The following ADGRV1 variants were observed in gnomAD, a reference collection of about 807,000 sequenced individuals.
The protein encoded by ADGRV1 is adhesion G protein-coupled receptor V1.
In ADGRV1, 359 loss-of-function variants were observed where a neutral mutation model predicts 596.2. The observed-to-expected ratio is 0.60, with a 90% CI of 0.55 to 0.66. The LOEUF is 0.66. ADGRV1 is among the 30% of genes least tolerant of loss of function. ADGRV1 has a pLI of 0.00. For missense variants in ADGRV1, 7,274 were observed against 7,575.6 expected, an observed-to-expected ratio of 0.96 and a Z score of 1.48; for synonymous variants, 2,681 against 2,679.2, an observed-to-expected ratio of 1.00 and a Z score of -0.02.
intron 85 of ADGRV1, among the ~76,000 whole-genome samples, chr5:91,026,684 C>T (rs1306180524): frequency 2.0e-5 from 3 of 151,934 alleles, no homozygotes; most frequent in African/African-American, 7.3e-5. Flanking sequence ...TGGAGGAGTG[C>T]CAAAAAGACC....
chr5:91,078,281 C>CT (rs765426851), intron 86 of ADGRV1, among the ~76,000 whole-genome samples: 13 of 151,932 alleles, frequency 8.6e-5, no homozygotes, highest in Non-Finnish European at 1.5e-4. Flanking sequence ...AGTTGAGTGC[C>CT]TTTTTTACTC....
intron 85 of ADGRV1, among the ~76,000 whole-genome samples, chr5:91,035,866 T>TATATATATATATATATATATATA (rs1784857826): frequency 7.9e-6 from 1 of 126,234 alleles, no homozygotes; most frequent in Non-Finnish European, 1.7e-5. Flanking sequence ...ATATATTATA[T>TATATATATATATATATATATATA]ATATATATAT....
In ADGRV1 at chr5:91,045,784, C is replaced by T. The variant is rs144241485; in HGVS notation, c.18153-26663C>T. ...TTTACCTAGAAAACCCTAAAGACTC[C>T]TCCAGAAAGTTTCTAGAACCGATAA... On this transcript the variant is annotated intron_variant, in intron 85 of 89. Coordinates refer to ENST00000405460, the MANE Select transcript of ADGRV1 (RefSeq NM_032119.4). Among the ~76,000 whole-genome samples the T allele has an allele frequency of 5.8e-3, 882 of 152,172 alleles. 7 individuals are homozygous for T. Among genetic ancestry groups the T allele is most frequent in the African/African-American group, 0.021 (853 of 41,522 alleles).
Position 90,745,099 on chromosome 5 carries a change from G to A in ADGRV1, c.10603G>A (p.Glu3535Lys). 6.2e-7 allele frequency: 1 copy of A among 1,613,776 alleles called. No homozygotes were observed. The highest frequency in any genetic ancestry group is 1.7e-5 in the Admixed American group (1 of 60,012). ...DMSALYCWNS[E>K]RNQFSFVLEV... ...GTCTGCTCTTTACTGCTGGAATTCG[G>A]AGCGTAATCAATTCTCTTTTGTTCT... The change falls in exon 51 of 90, where the codon GAG becomes AAG. Residue 3535 changes from glutamate to lysine, a missense_variant. Glu to Lys is a moderately conservative substitution (Grantham distance 56, BLOSUM62 1). This residue lies in a region of ADGRV1 where 3,643 missense variants were observed against 3,809.2 expected (regional missense o/e 0.96). Coordinates refer to ENST00000405460, the MANE Select transcript of ADGRV1 (RefSeq NM_032119.4).
Position 90,778,051 on chromosome 5 carries a change from T to C in ADGRV1, c.12666+8T>C, listed in dbSNP as rs1561709468. The C allele has an allele frequency of 1.3e-6, 2 of 1,554,608 alleles. No individual in the cohort carries two copies. Among genetic ancestry groups the C allele is most frequent in the Non-Finnish European group, 1.7e-6 (2 of 1,147,654 alleles). On this transcript the variant is annotated splice_region_variant and intron_variant, in intron 62 of 89. Transcript: ENST00000405460. ...GTCATTGTAGTAATACAGGTATCAA[T>C]ATTAGCTGGTTTCTTTTATGCCCTT...
At chr5:91,115,095 C>G (rs1792734144) in intron 87 of ADGRV1, among the ~76,000 whole-genome samples, 1 of 152,156 alleles carries the variant, frequency 6.6e-6, no homozygotes, top group Non-Finnish European at 1.5e-5. Context: ...CAACTACTGG[C>G]TGTTTTGAAT....
At chr5:90,576,684 G>T (rs779073379) in intron 1 of ADGRV1, among the ~76,000 whole-genome samples, 1 of 152,138 alleles carries the variant, frequency 6.6e-6, no homozygotes, top group Non-Finnish European at 1.5e-5. Flanking sequence ...TTGAGGAATC[G>T]CCACATTGTC....
chr5:91,045,579 A>G lies in ADGRV1; in HGVS notation c.18153-26868A>G, dbSNP rs1295287357. 2.6e-5 allele frequency among the ~76,000 whole-genome samples: 4 copies of G among 152,164 alleles called. No individual in the cohort carries two copies. The East Asian group carries it at 7.7e-4, about 29-fold the overall frequency. ...CATCTATGACAAACCCACAGCCAAC[A>G]TAACACTGAATGGGGAAAAGTTGAG... On this transcript the variant is annotated intron_variant, in intron 85 of 89. Coordinates refer to ENST00000405460, the MANE Select transcript of ADGRV1 (RefSeq NM_032119.4).
intron 83 of ADGRV1, among the ~76,000 whole-genome samples, chr5:90,897,121 T>C (rs891677198): frequency 2.6e-5 from 4 of 152,234 alleles, no homozygotes; most frequent in African/African-American, 9.6e-5. Flanking sequence ...GAGGAAAATG[T>C]CTCACCTTAG....
chr5:90,578,436 C>G lies in ADGRV1; in HGVS notation c.22+19519C>G, dbSNP rs540430332. Among the ~76,000 whole-genome samples, 10 of 152,276 alleles carry G rather than the reference C, an allele frequency of 6.6e-5. No individual in the cohort carries two copies. The East Asian group carries it at 1.9e-3, about 29-fold the overall frequency. ...CGTTTATTGATTTGTGTATATTGAA[C>G]CAGCCTTGCATCCCAGGGATGAAGC... is the stretch of plus-strand genomic sequence containing the variant. On this transcript the variant is annotated intron_variant, in intron 1 of 89. Transcript: ENST00000405460.
chr5:90,947,987 C>G (rs530144824), intron 83 of ADGRV1, among the ~76,000 whole-genome samples: 1 of 152,290 alleles, frequency 6.6e-6, no homozygotes, highest in East Asian at 1.9e-4. Flanking sequence ...TAGCCCCAGA[C>G]TTCCCAGGAG....
rs113888890 is a variant in ADGRV1 at position 90,713,915 on chromosome 5, T to G, written c.9184+1487T>G. 2.5e-3 allele frequency among the ~76,000 whole-genome samples: 382 copies of G among 152,320 alleles called. 3 individuals carry two copies. The highest frequency in any genetic ancestry group is 8.3e-3 in the African/African-American group (345 of 41,588). ...TTAAGAAATTCCTCAGAGCAAAAAG[T>G]GCTTTGACAGTGAGTCGTTTCTTAA... On this transcript the variant is annotated intron_variant, in intron 42 of 89. Coordinates refer to ENST00000405460, the MANE Select transcript of ADGRV1 (RefSeq NM_032119.4).
chr5:90,898,048 A>G (rs1771496758), intron 83 of ADGRV1, among the ~76,000 whole-genome samples: 1 of 152,142 alleles, frequency 6.6e-6, no homozygotes, highest in African/African-American at 2.4e-5. Flanking sequence ...CTAATGAACA[A>G]GATTGCTTGA....
At chr5:90,641,463 C>T (rs1036184192) in intron 11 of ADGRV1, among the ~76,000 whole-genome samples, 1 of 151,998 alleles carries the variant, frequency 6.6e-6, no homozygotes, top group African/African-American at 2.4e-5. Flanking sequence ...CCAGTTTTTT[C>T]TTTCCTAGCT....
intron 60 of ADGRV1, among the ~76,000 whole-genome samples, chr5:90,776,213 AT>A (rs1005138683): frequency 1.3e-5 from 2 of 151,466 alleles, no homozygotes; most frequent in South Asian, 2.1e-4. Context: ...ATTACTGCCA[AT>A]TTTTTTTTCT....
intron 86 of ADGRV1, among the ~76,000 whole-genome samples, chr5:91,080,915 A>G (rs557134734): frequency 6.6e-6 from 1 of 152,036 alleles, no homozygotes; most frequent in South Asian, 2.1e-4. Context: ...CAGATATGTA[A>G]CTCCTTTCTT....
chr5:90,760,432 C>T (rs1196665315), intron 58 of ADGRV1, among the ~76,000 whole-genome samples: 1 of 152,150 alleles, frequency 6.6e-6, no homozygotes, highest in African/African-American at 2.4e-5. Flanking sequence ...CAGGAAATTA[C>T]AAAGGGGAAC....
chr5:91,113,474 T>C (rs1792559731), intron 87 of ADGRV1, among the ~76,000 whole-genome samples: 1 of 152,236 alleles, frequency 6.6e-6, no homozygotes, highest in Admixed American at 6.5e-5. Flanking sequence ...ACCACCTTGA[T>C]CCAGTAGAAA....
At chr5:90,940,139 G>A (rs1375742787) in intron 83 of ADGRV1, among the ~76,000 whole-genome samples, 18 of 152,186 alleles carry the variant, frequency 1.2e-4, no homozygotes, top group Admixed American at 1.2e-3. Flanking sequence ...TAGCAGAGCA[G>A]TAAAAGAACT....
Sources: gnomAD v4.1 joint callset for allele counts (sites outside exome capture counted in the v4.1 genomes callset) on GRCh38, gnomAD v4.1.1 for gene constraint, gnomAD v4.1.1 regional missense constraint, MANE v1.5 for transcripts, NCBI Gene and HGNC (gene_info 2026-07-23, HGNC 2026-07-21) for gene names.